The following TMEM39B variants were observed in gnomAD, a reference collection of about 807,000 sequenced individuals.
TMEM39B encodes the protein transmembrane protein 39B.
Under a neutral mutation model 52.2 loss-of-function variants are expected in TMEM39B, and 23 were observed. That is an observed-to-expected ratio of 0.44 (90% CI 0.32 to 0.62). The LOEUF (loss-of-function observed/expected upper bound fraction) is 0.62. Among genes scored for constraint, TMEM39B ranks in the 20% least tolerant of loss-of-function variants. The probability of loss-of-function intolerance (pLI) is 0.06; values close to 1 mark genes in which losing one functional copy is unlikely to be tolerated. For synonymous variants in TMEM39B, 285 were observed against 264.0 expected (o/e 1.08, Z -0.77); for missense variants, 547 against 642.0 (o/e 0.85, Z 1.60).
In TMEM39B at chr1:32,075,068, C is replaced by T. The variant is rs1446462546; in HGVS notation, c.122C>T (p.Ser41Phe). ...TSSASVTSVR[S>F]RTRSSSGTGL... ...AGTGCATCGGTGACCAGTGTTCGTT[C>T]CCGCACCAGGTAAACCACCTCTCTG... The change falls in exon 2 of 9, where the codon TCC becomes TTC. Residue 41 changes from serine to phenylalanine, a missense_variant. Ser to Phe is a radical substitution (Grantham distance 155). Coordinates refer to ENST00000336294, the MANE Select transcript of TMEM39B (RefSeq NM_018056.4). 1 of 1,550,490 alleles carries T rather than the reference C, an allele frequency of 6.4e-7. No homozygotes were observed. The highest frequency in any genetic ancestry group is 1.2e-5 in the South Asian group (1 of 83,870).
chr1:32,075,827 G>C lies in TMEM39B; in HGVS notation c.351+5G>C. ...CCACCCTCCCACACCTCCCTGGTAG[G>C]TACCCAACAAGGGTGTGTGTGTGTG... On this transcript the variant is annotated splice_donor_5th_base_variant and intron_variant, in intron 3 of 8. Coordinates refer to ENST00000336294, the MANE Select transcript of TMEM39B (RefSeq NM_018056.4). The C allele has an allele frequency of 6.8e-7, 1 of 1,475,036 alleles. No homozygotes were observed. The allele number at this position is 1,475,036 out of a possible 1,614,324, so 91.4% of individuals were successfully genotyped here.
intron 8 of TMEM39B, among the ~76,000 whole-genome samples, chr1:32,101,945 G>A (rs886941311): frequency 5.9e-5 from 9 of 152,104 alleles, no homozygotes; most frequent in Admixed American, 4.6e-4. Context: ...GAAGTAGTAG[G>A]TAATTCAGGC....
Position 32,075,732 on chromosome 1 carries a change from C to T in TMEM39B, c.261C>T (p.Cys87=), listed in dbSNP as rs1164925203. The T allele has an allele frequency of 1.3e-6, 2 of 1,551,644 alleles. No individual in the cohort carries two copies. Among genetic ancestry groups the T allele is most frequent in the Admixed American group, 3.9e-5 (2 of 50,980 alleles). ...TGTTTGAGTTGCAGCTCTTCTTCTG[C>T]CAGCTCATAGCACTCTTCGTCCACT... ...SILFELQLFF[C]QLIALFVHYI... The change falls in exon 3 of 9, where the codon TGC becomes TGT. Residue 87 remains cysteine, a synonymous_variant. Coordinates refer to ENST00000336294, the MANE Select transcript of TMEM39B (RefSeq NM_018056.4).
At chr1:32,100,599 G>A in intron 8 of TMEM39B, 37 bp downstream of exon 8, 2 of 1,613,664 alleles carry the variant, frequency 1.2e-6, no homozygotes, top group Non-Finnish European at 8.5e-7. Flanking sequence ...GTTGGGGCCT[G>A]AGAGGGTGGG....
intron 1 of TMEM39B, 182 bp downstream of exon 1, chr1:32,073,233 C>T: frequency 3.7e-6 from 1 of 272,228 alleles, no homozygotes. Flanking sequence ...GTTGTGGGGG[C>T]GGGACATTGG....
At chr1:32,083,406 CTTCTTTT>C (rs1640198846) in intron 5 of TMEM39B, among the ~76,000 whole-genome samples, 2 of 98,670 alleles carry the variant, frequency 2.0e-5, no homozygotes, top group Admixed American at 1.1e-4. Context: ...TTTTAAAGGA[CTTCTTTT>C]TTTTTTTTTT....
intron 1 of TMEM39B, chr1:32,073,412 G>GA: frequency 1.9e-6 from 1 of 522,356 alleles, no homozygotes; most frequent in Non-Finnish European, 2.7e-6. Context: ...TTCTGGGTTG[G>GA]AGGGGTTACA....
chr1:32,090,829 A>T (rs1040177638), intron 5 of TMEM39B, among the ~76,000 whole-genome samples: 2 of 151,780 alleles, frequency 1.3e-5, no homozygotes, highest in African/African-American at 4.8e-5. Context: ...TTTAGTAGAG[A>T]CGGGGTTTCA....
intron 8 of TMEM39B, among the ~76,000 whole-genome samples, chr1:32,101,683 G>T (rs968509519): frequency 6.6e-6 from 1 of 152,208 alleles, no homozygotes; most frequent in Non-Finnish European, 1.5e-5. Flanking sequence ...AAGTATTGCA[G>T]CCTGTTAGGT....
At chr1:32,094,172 G>C (rs1271787171) in intron 6 of TMEM39B, among the ~76,000 whole-genome samples, 1 of 124,518 alleles carries the variant, frequency 8.0e-6, no homozygotes, top group African/African-American at 3.1e-5. Flanking sequence ...TGTTGCCCAG[G>C]CTGGAGTGCA....
chr1:32,073,506 CT>C (rs1639728572), intron 1 of TMEM39B: 2 of 995,852 alleles, frequency 2.0e-6, no homozygotes, highest in Admixed American at 6.0e-5. Context: ...CTTTTATTGG[CT>C]TGTGGGCGGG....
At chr1:32,096,451 CTTTTTTTTTTTTT>C (rs965499225) in intron 7 of TMEM39B, among the ~76,000 whole-genome samples, 1 of 105,028 alleles carries the variant, frequency 9.5e-6, no homozygotes, top group Non-Finnish European at 1.8e-5. Flanking sequence ...CTCCTCTGGC[CTTTTTTTTTTTTT>C]TTTTTTTTTT....
chr1:32,077,232 C>T lies in TMEM39B; in HGVS notation c.504C>T (p.Leu168=). The change falls in exon 5 of 9, where the codon CTC becomes CTT. Residue 168 remains leucine, a synonymous_variant. Transcript: ENST00000336294. Reference sequence around the variant, plus strand: ...TGTTCCTCACTCGCTTCACCGTTCTCACGGCAACAGGCTGGAGTCTGTGCC... The same window carrying T: ...TGTTCCTCACTCGCTTCACCGTTCTTACGGCAACAGGCTGGAGTCTGTGCC... ...ILLFLTRFTV[L]TATGWSLCRS... The T allele has an allele frequency of 6.2e-7, 1 of 1,614,164 alleles. No individual in the cohort carries two copies. Among genetic ancestry groups the T allele is most frequent in the Non-Finnish European group, 8.5e-7 (1 of 1,180,034 alleles).
At chr1:32,089,704 T>A (rs1640524438) in intron 5 of TMEM39B, among the ~76,000 whole-genome samples, 1 of 149,754 alleles carries the variant, frequency 6.7e-6, no homozygotes, top group Non-Finnish European at 1.5e-5. Flanking sequence ...TGGAGTGCAG[T>A]GGTGTGATCT....
intron 5 of TMEM39B, among the ~76,000 whole-genome samples, chr1:32,089,989 AC>A (rs1640536781): frequency 6.6e-6 from 1 of 150,650 alleles, no homozygotes; most frequent in African/African-American, 2.4e-5. Context: ...AGATCGCGGC[AC>A]TGCACTCCAG....
At chr1:32,075,208 A>G in intron 2 of TMEM39B, 131 bp downstream of exon 2, 2 of 1,317,158 alleles carry the variant, frequency 1.5e-6, no homozygotes. Context: ...TAAGCAGCAG[A>G]AAAGATCCAG....
At chr1:32,083,641 C>T (rs915920770) in intron 5 of TMEM39B, among the ~76,000 whole-genome samples, 19 of 151,398 alleles carry the variant, frequency 1.3e-4, no homozygotes, top group Admixed American at 1.2e-3. Flanking sequence ...TCAGGATGGT[C>T]TCGATCTCCT....
rs1169818999 is a variant in TMEM39B at position 32,099,262 on chromosome 1, T to C, written c.1116-1180T>C. On this transcript the variant is annotated intron_variant, in intron 7 of 8. Coordinates refer to ENST00000336294, the MANE Select transcript of TMEM39B (RefSeq NM_018056.4). ...AAAAAAAAACACTCATAGGTTGGAA[T>C]TGAACAATGAGAACACTTGGACACA... Among the ~76,000 whole-genome samples the C allele has an allele frequency of 2.7e-5, 4 of 149,172 alleles. No homozygotes were observed. In the East Asian group the frequency reaches 7.8e-4, roughly 29 times the overall value.
chr1:32,079,767 T>A (rs1640018003), intron 5 of TMEM39B, among the ~76,000 whole-genome samples: 1 of 151,784 alleles, frequency 6.6e-6, no homozygotes, highest in South Asian at 2.1e-4. Flanking sequence ...TGTCTTCTAT[T>A]GGCAATTTTT....
Sources: gnomAD v4.1 joint callset for allele counts (sites outside exome capture counted in the v4.1 genomes callset) on GRCh38, gnomAD v4.1.1 for gene constraint, MANE v1.5 for transcripts, NCBI Gene and HGNC (gene_info 2026-07-23, HGNC 2026-07-21) for gene names.